ENPEP: variants seen among roughly 807,000 people sequenced by gnomAD.
ENPEP encodes the protein AP-A.
Under a neutral mutation model 114.5 loss-of-function variants are expected in ENPEP, and 103 were observed. That is an observed-to-expected ratio of 0.90 (90% confidence interval 0.77 to 1.06). The LOEUF (loss-of-function observed/expected upper bound fraction) is 1.06, where lower values mean the gene tolerates loss of function less well. ENPEP is among the 50% of genes least tolerant of loss of function. ENPEP has a pLI of 0.00. For missense variants in ENPEP, 1,196 were observed against 1,161.3 expected (o/e 1.03, Z -0.43); for synonymous variants, 420 against 422.0 (o/e 1.00, Z 0.06).
intron 18 of ENPEP, among the ~76,000 whole-genome samples, chr4:110,557,334 G>A (rs907109415): frequency 6.6e-6 from 1 of 152,144 alleles, no homozygotes; most frequent in African/African-American, 2.4e-5. Context: ...ATAAGGTTAA[G>A]GAACTAAGAG....
intron 11 of ENPEP, among the ~76,000 whole-genome samples, chr4:110,540,665 C>T (rs960446743): frequency 6.6e-6 from 1 of 152,110 alleles, no homozygotes; most frequent in Non-Finnish European, 1.5e-5. Flanking sequence ...TAACTAGGTA[C>T]ATATAAAGCA....
At chr4:110,545,452 C>T (rs1332249763) in intron 13 of ENPEP, among the ~76,000 whole-genome samples, 1 of 151,966 alleles carries the variant, frequency 6.6e-6, no homozygotes, top group Admixed American at 6.6e-5. Flanking sequence ...CTTCTCCCTG[C>T]CCCCAGCTTA....
At chr4:110,545,422 G>A (rs1156465942) in intron 13 of ENPEP, among the ~76,000 whole-genome samples, 1 of 151,976 alleles carries the variant, frequency 6.6e-6, no homozygotes, top group African/African-American at 2.4e-5. Context: ...AATCATCAAA[G>A]CTTTCTACTT....
intron 11 of ENPEP, among the ~76,000 whole-genome samples, chr4:110,542,006 C>CAT (rs1391913129): frequency 6.6e-6 from 1 of 152,072 alleles, no homozygotes; most frequent in Non-Finnish European, 1.5e-5. Context: ...TAGAGCCTCA[C>CAT]ATATATATGG....
chr4:110,524,650 C>T lies in ENPEP; in HGVS notation c.1727+4284C>T, dbSNP rs192401122. ...ATTATGTTAAAAATCAAACCCTTAA[C>T]AGGATTTTTCTAGACATTTAAATAT... On this transcript the variant is annotated intron_variant, in intron 10 of 19. Transcript: ENST00000265162. 6.6e-5 allele frequency among the ~76,000 whole-genome samples: 10 copies of T among 152,272 alleles called. No homozygotes were observed. In the South Asian group the frequency reaches 1.0e-3, roughly 16 times the overall value.
At chr4:110,496,594 A>G (rs975835969) in intron 3 of ENPEP, among the ~76,000 whole-genome samples, 1 of 152,208 alleles carries the variant, frequency 6.6e-6, no homozygotes, top group Non-Finnish European at 1.5e-5. Flanking sequence ...TCTACATTAT[A>G]CTTAGCAATG....
intron 13 of ENPEP, among the ~76,000 whole-genome samples, chr4:110,547,209 T>C (rs1727102491): frequency 6.6e-6 from 1 of 152,060 alleles, no homozygotes; most frequent in Non-Finnish European, 1.5e-5. Context: ...TGGTGGAAAT[T>C]TTAAGCTATA....
chr4:110,484,341 A>G (rs1216549729), intron 1 of ENPEP, among the ~76,000 whole-genome samples: 1 of 152,208 alleles, frequency 6.6e-6, no homozygotes, highest in Non-Finnish European at 1.5e-5. Context: ...ACACTTTAGT[A>G]GCTGAAGTGG....
intron 1 of ENPEP, among the ~76,000 whole-genome samples, chr4:110,478,591 T>A (rs1327411310): frequency 6.6e-6 from 1 of 152,196 alleles, no homozygotes; most frequent in African/African-American, 2.4e-5. Flanking sequence ...TATTCTTACA[T>A]GTTTTCAAGA....
intron 1 of ENPEP, among the ~76,000 whole-genome samples, chr4:110,481,345 C>T (rs548904964): frequency 7.9e-4 from 120 of 151,934 alleles, no homozygotes; most frequent in African/African-American, 2.7e-3. Flanking sequence ...GATCCTCCCA[C>T]CTCAGCTTTC....
rs770785614 is a variant in ENPEP, at chr4:110,549,543, C to T, written c.2241C>T (p.Ser747=). The T allele has an allele frequency of 3.4e-5, 55 of 1,613,432 alleles. No homozygotes were observed. The highest frequency in any genetic ancestry group is 5.0e-5 in the Admixed American group (3 of 59,918). ...GTTTTTTAAGGTTACTCCGTTCCTC[C>T]GTGTTAGGGTTTGCGTGCAAGATGG... ...GDHVTKLLRS[S]VLGFACKMGD... The change falls in exon 16 of 20, where the codon TCC becomes TCT. Residue 747 remains serine, a synonymous_variant. Transcript: ENST00000265162.
chr4:110,485,411 C>G (rs1459538522), intron 1 of ENPEP, among the ~76,000 whole-genome samples: 1 of 152,138 alleles, frequency 6.6e-6, no homozygotes, highest in Non-Finnish European at 1.5e-5. Flanking sequence ...TACCCCTTCC[C>G]CTTCCTTTCC....
intron 1 of ENPEP, among the ~76,000 whole-genome samples, chr4:110,479,396 CTATT>C (rs1724229554): frequency 2.0e-5 from 3 of 151,988 alleles, no homozygotes; most frequent in Non-Finnish European, 4.4e-5. Flanking sequence ...TTGTAAATAA[CTATT>C]TATGGACATT....
chr4:110,508,315 C>A, intron 4 of ENPEP, among the ~76,000 whole-genome samples: 1 of 148,468 alleles, frequency 6.7e-6, no homozygotes, highest in Admixed American at 6.7e-5. Context: ...TCCTTTTGTT[C>A]AAGGATTAAG....
chr4:110,477,460 AT>A (rs1467894607), intron 1 of ENPEP, among the ~76,000 whole-genome samples: 1 of 152,166 alleles, frequency 6.6e-6, no homozygotes, highest in Non-Finnish European at 1.5e-5. Flanking sequence ...TTAAAGTGGT[AT>A]TACACTAAAT....
intron 1 of ENPEP, among the ~76,000 whole-genome samples, chr4:110,484,173 A>G (rs372088804): frequency 6.6e-6 from 1 of 152,170 alleles, no homozygotes; most frequent in South Asian, 2.1e-4. Flanking sequence ...TCCTAACCAC[A>G]TTATGTAAAT....
At chr4:110,506,842 A>G in intron 4 of ENPEP, 85 bp downstream of exon 4, 1 of 1,159,390 alleles carries the variant, frequency 8.6e-7, no homozygotes, top group Non-Finnish European at 1.2e-6. Flanking sequence ...TTATGTCACC[A>G]TCAGTTAACA....
At chr4:110,484,920 T>TGCACGCAC (rs70956447) in intron 1 of ENPEP, among the ~76,000 whole-genome samples, 3 of 151,056 alleles carry the variant, frequency 2.0e-5, no homozygotes, top group Non-Finnish European at 4.4e-5. Flanking sequence ...GGTGCGCGCA[T>TGCACGCAC]GCACGCACGC....
rs759359267 is a variant in ENPEP at position 110,488,617 on chromosome 4, G to C, written c.721G>C (p.Ala241Pro). ...FPCFDEPNKK[A>P]TYTISITHPK... ...TTGTTTTGATGAGCCCAACAAAAAG[G>C]CAACTTATACAATATCTATCACCCA... The change falls in exon 2 of 20, where the codon GCA becomes CCA. Residue 241 changes from alanine to proline, a missense_variant. Ala to Pro is a conservative substitution (Grantham distance 27). Transcript: ENST00000265162. 1 of 1,613,964 alleles carries C rather than the reference G, an allele frequency of 6.2e-7. No individual in the cohort carries two copies. Among genetic ancestry groups the C allele is most frequent in the Non-Finnish European group, 8.5e-7 (1 of 1,179,944 alleles).
Sources: allele counts gnomAD v4.1 joint callset (sites outside exome capture counted in the v4.1 genomes callset), GRCh38; gene constraint gnomAD v4.1.1; transcripts MANE v1.5; gene names NCBI Gene and HGNC (gene_info 2026-07-23, HGNC 2026-07-21).